The following DEFB118 variants were observed in gnomAD, a reference collection of about 807,000 sequenced individuals.
The protein encoded by DEFB118 is defensin beta 118.
A neutral mutation model predicts 2.8 loss-of-function variants in DEFB118; 3 were observed. That is an observed-to-expected ratio of 1.09 (90% CI 0.50 to 2.82). The LOEUF is 2.82. Among genes scored for constraint, DEFB118 ranks in the 30% most tolerant of loss-of-function variants. The pLI is 0.04. For missense variants in DEFB118, 159 were observed against 144.6 expected (o/e 1.10, Z -0.51); for synonymous variants, 63 against 53.5 (o/e 1.18, Z -0.78).
intron 1 of DEFB118, among the ~76,000 whole-genome samples, chr20:31,371,997 C>T (rs956191026): frequency 3.9e-5 from 6 of 152,130 alleles, no homozygotes; most frequent in Non-Finnish European, 7.3e-5. Context: ...CAGTTCCATC[C>T]AAGTTGCTGC....
Position 31,373,085 on chromosome 20 carries a change from T to G in DEFB118, c.287T>G (p.Val96Gly). The change falls in exon 2 of 2, where the codon GTA (valine) becomes GGA (glycine). Residue 96 changes from valine to glycine, a missense_variant. Physicochemically the swap from Val to Gly is moderately radical, Grantham distance 109 (BLOSUM62 -3). Transcript: ENST00000253381. ...TVRFTTDYFE[V>G]SSKKDMVEES... ...AGGTTCACGACAGACTACTTTGAAG[T>G]AAGCAGCAAGAAAGATATGGTTGAA... is the stretch of plus-strand genomic sequence containing the variant. 6.2e-7 allele frequency: 1 copy of G among 1,614,168 alleles called. No individual in the cohort carries two copies. Among genetic ancestry groups the G allele is most frequent in the Non-Finnish European group, 8.5e-7 (1 of 1,180,034 alleles).
intron 1 of DEFB118, among the ~76,000 whole-genome samples, chr20:31,370,556 C>G (rs1255668209): frequency 6.6e-6 from 1 of 152,108 alleles, no homozygotes; most frequent in South Asian, 2.1e-4. Context: ...ATGAAAGAAG[C>G]ATAAAGTCTT....
chr20:31,369,004 T>C (rs1363238252), intron 1 of DEFB118, among the ~76,000 whole-genome samples: 1 of 152,204 alleles, frequency 6.6e-6, no homozygotes, highest in East Asian at 1.9e-4. Flanking sequence ...TTGAAAATGA[T>C]TCCTGCAGCC....
chr20:31,372,158 C>A (rs1451309388), intron 1 of DEFB118, among the ~76,000 whole-genome samples: 1 of 152,164 alleles, frequency 6.6e-6, no homozygotes, highest in African/African-American at 2.4e-5. Flanking sequence ...ACATACACTA[C>A]ACAGATATAT....
chr20:31,369,954 G>A (rs1212715591), intron 1 of DEFB118, among the ~76,000 whole-genome samples: 1 of 152,110 alleles, frequency 6.6e-6, no homozygotes, highest in Non-Finnish European at 1.5e-5. Context: ...TTAAATGTAA[G>A]TCTGGTGGGG....
At chr20:31,370,565 T>C (rs1300680475) in intron 1 of DEFB118, among the ~76,000 whole-genome samples, 1 of 152,176 alleles carries the variant, frequency 6.6e-6, no homozygotes, top group East Asian at 1.9e-4. Context: ...GCATAAAGTC[T>C]TGATGCTTTA....
At chr20:31,371,213 G>A (rs1212222405) in intron 1 of DEFB118, among the ~76,000 whole-genome samples, 2 of 152,038 alleles carry the variant, frequency 1.3e-5, no homozygotes, top group Non-Finnish European at 2.9e-5. Flanking sequence ...CTGCCTCTAA[G>A]CCTTTGCACT....
At position 31,373,040 on chromosome 20, in the gene DEFB118, TTGA is replaced by T. The variant is rs754104578; in HGVS notation, c.247_249del (p.Asp83del). 6.2e-7 allele frequency: 1 copy of T among 1,614,058 alleles called. No individual in the cohort carries two copies. ...TTGAGTGACTCAACACCAGGAATTA[TTGA>T]TGATATTTTAACAGTAAGGTTCACG... On this transcript the variant is annotated inframe_deletion, in exon 2 of 2. Coordinates refer to ENST00000253381, the MANE Select transcript of DEFB118 (RefSeq NM_054112.3).
intron 1 of DEFB118, among the ~76,000 whole-genome samples, chr20:31,370,209 C>T (rs1428136850): frequency 1.3e-5 from 2 of 152,132 alleles, no homozygotes; most frequent in East Asian, 1.9e-4. Context: ...TCTGGGTAAC[C>T]AGAAGTCAGT....
chr20:31,373,461 A>G lies in DEFB118; in HGVS notation c.*291A>G. 1 of 385,874 alleles carries G rather than the reference A, an allele frequency of 2.6e-6. No homozygotes were observed. Among genetic ancestry groups the G allele is most frequent in the Non-Finnish European group, 4.7e-6 (1 of 214,086 alleles). 23.9% of individuals were successfully genotyped at this position (385,874 alleles called of 1,614,324 possible). A position where few individuals can be genotyped will look rare whatever the true frequency, so the allele number is the denominator to read the frequency against. On this transcript the variant is annotated 3_prime_UTR_variant, in exon 2 of 2. Transcript: ENST00000253381. The stretch of plus-strand genomic sequence containing the variant: ...TTCAATAGCTTAGTTAGCTATTCCA[A>G]CAACAATTTCTTCATGTATCGTTCT...
chr20:31,371,944 T>C (rs1196932678), intron 1 of DEFB118, among the ~76,000 whole-genome samples: 4 of 152,204 alleles, frequency 2.6e-5, no homozygotes, highest in African/African-American at 7.2e-5. Flanking sequence ...ATGTGGTATT[T>C]GTTTTTCAAT....
Position 31,368,659 on chromosome 20 carries a change from C to G in DEFB118, c.9C>G (p.Leu3=), listed in dbSNP as rs1315887123. The stretch of plus-strand genomic sequence containing the variant: ...CCTGCTTCCCAAGGACCATGAAACT[C>G]CTGCTGCTGGCTCTTCCTATGCTTG... MK[L]LLLALPMLVL... is the part of the protein sequence containing the mutation. Residue 3 remains leucine (L), a synonymous_variant, in exon 1 of 2, where the codon CTC becomes CTG. Transcript: ENST00000253381. The G allele has an allele frequency of 1.2e-6, 2 of 1,613,706 alleles. No homozygotes were observed. Among genetic ancestry groups the G allele is most frequent in the Non-Finnish European group, 8.5e-7 (1 of 1,179,794 alleles).
rs1986256851 is a variant in DEFB118 at position 31,373,774 on chromosome 20, T to C, written c.*604T>C. On this transcript the variant is annotated 3_prime_UTR_variant, in exon 2 of 2. Coordinates refer to ENST00000253381, the MANE Select transcript of DEFB118 (RefSeq NM_054112.3). The stretch of plus-strand genomic sequence containing the variant: ...AAGCTTTTATGGCTCTGTAGACCCA[T>C]CTTTTTGACCAAGCCTTGATCACAC... The C allele has an allele frequency of 6.5e-6, 1 of 152,732 alleles. No individual in the cohort carries two copies. Among genetic ancestry groups the C allele is most frequent in the South Asian group, 2.1e-4 (1 of 4,844 alleles). 9.5% of individuals were successfully genotyped at this position (152,732 alleles called of 1,614,324 possible).
At chr20:31,370,165 C>T (rs1807059980) in intron 1 of DEFB118, among the ~76,000 whole-genome samples, 1 of 152,104 alleles carries the variant, frequency 6.6e-6, no homozygotes, top group African/African-American at 2.4e-5. Flanking sequence ...CTGCTGCTGG[C>T]TCTTCCTATG....
Position 31,373,824 on chromosome 20 carries a change from A to AC in DEFB118, c.*659dup. ...CATGGACATCCAAGGGTAATCATGG[A>AC]CCCCCAATTGTGGGTGAAAGGATGG... is the stretch of plus-strand genomic sequence containing the variant. On this transcript the variant is annotated 3_prime_UTR_variant, in exon 2 of 2. Coordinates refer to ENST00000253381, the MANE Select transcript of DEFB118 (RefSeq NM_054112.3). The AC allele has an allele frequency of 6.8e-6, 1 of 146,316 alleles. No homozygotes were observed. 9.1% of individuals were successfully genotyped at this position (146,316 alleles called of 1,614,324 possible). A position where few individuals can be genotyped will look rare whatever the true frequency, so the allele number is the denominator to read the frequency against.
intron 1 of DEFB118, 140 bp from the exon 2 acceptor site, chr20:31,372,717 C>T: frequency 1.5e-6 from 1 of 659,438 alleles, no homozygotes; most frequent in East Asian, 2.7e-5. Context: ...GAGTATTTGC[C>T]AGACCTGAGG....
At chr20:31,372,182 G>A (rs1461601222) in intron 1 of DEFB118, among the ~76,000 whole-genome samples, 3 of 152,136 alleles carry the variant, frequency 2.0e-5, no homozygotes, top group East Asian at 1.9e-4. Flanking sequence ...ATATACTCAT[G>A]TGAATGTATA....
chr20:31,373,378 CACA>C lies in DEFB118; in HGVS notation c.*213_*215del, dbSNP rs1312937548. The C allele has an allele frequency of 8.8e-6, 5 of 570,644 alleles. No homozygotes were observed. Among genetic ancestry groups the C allele is most frequent in the Admixed American group, 3.1e-5 (1 of 31,786 alleles). 35.3% of individuals were successfully genotyped at this position (570,644 alleles called of 1,614,324 possible). ...TCTTCTTGAAATGTCACATTATTTC[CACA>C]ACAAGTTATAACCTATTTTTAGTAT... On this transcript the variant is annotated 3_prime_UTR_variant, in exon 2 of 2. Coordinates refer to ENST00000253381, the MANE Select transcript of DEFB118 (RefSeq NM_054112.3).
rs543337288 is a variant in DEFB118 at position 31,370,977 on chromosome 20, C to T, written c.59-1880C>T. Among the ~76,000 whole-genome samples the T allele has an allele frequency of 5.3e-5, 8 of 152,146 alleles. No homozygotes were observed. The South Asian group carries it at 1.2e-3, about 24-fold the overall frequency. On this transcript the variant is annotated intron_variant, in intron 1 of 1. Transcript: ENST00000253381. ...CATTGGCCAGGCTAGTTTCAAACTC[C>T]GGACCTCAAGTGATCCACTCGCCTC...
Sources: allele counts gnomAD v4.1 joint callset (sites outside exome capture counted in the v4.1 genomes callset), GRCh38; gene constraint gnomAD v4.1.1; transcripts MANE v1.5; gene names NCBI Gene and HGNC (gene_info 2026-07-23, HGNC 2026-07-21).